KCNK13: variants seen among roughly 807,000 people sequenced by gnomAD.
The protein encoded by KCNK13 is potassium two pore domain channel subfamily K member 13, also known as potassium channel subfamily K member 13.
A neutral mutation model predicts 23.4 loss-of-function variants in KCNK13; 12 were observed. That is an observed-to-expected ratio of 0.51 (90% CI 0.33 to 0.83). The LOEUF (loss-of-function observed/expected upper bound fraction) is 0.83. KCNK13 is among the 40% of genes least tolerant of loss of function. KCNK13 has a pLI of 0.02. For missense variants in KCNK13, 463 were observed against 556.3 expected, an observed-to-expected ratio of 0.83 and a Z score of 1.69; for synonymous variants, 231 against 229.5, an observed-to-expected ratio of 1.01 and a Z score of -0.06.
intron 1 of KCNK13, among the ~76,000 whole-genome samples, chr14:90,172,540 A>G (rs951504011): frequency 1.3e-5 from 2 of 152,204 alleles, no homozygotes; most frequent in African/African-American, 2.4e-5. Context: ...CAGTGTTAAC[A>G]TGAGCATGTT....
chr14:90,125,325 A>G (rs1398167833), intron 1 of KCNK13, among the ~76,000 whole-genome samples: 1 of 150,716 alleles, frequency 6.6e-6, no homozygotes, highest in Non-Finnish European at 1.5e-5. Flanking sequence ...CTGGGTTCAC[A>G]CCATTCTCCT....
At chr14:90,093,701 C>A (rs968846402) in intron 1 of KCNK13, among the ~76,000 whole-genome samples, 1 of 152,142 alleles carries the variant, frequency 6.6e-6, no homozygotes, top group Non-Finnish European at 1.5e-5. Context: ...CATTCACTTG[C>A]AGAGAACATT....
chr14:90,076,731 G>GTC lies in KCNK13; in HGVS notation c.334+14202_334+14203dup, dbSNP rs556108550. Among the ~76,000 whole-genome samples, 12 of 152,184 alleles carry GTC rather than the reference G, an allele frequency of 7.9e-5. No individual in the cohort carries two copies. In the South Asian group the frequency reaches 8.3e-4, roughly 11 times the overall value. ...TGGAAAAATAAAATATTGTCTGAGC[G>GTC]TCTCTCTCTCTGGAATTGTTTTGGA... On this transcript the variant is annotated intron_variant, in intron 1 of 1. Transcript: ENST00000282146.
intron 1 of KCNK13, among the ~76,000 whole-genome samples, chr14:90,167,490 T>C (rs1890316429): frequency 6.6e-6 from 1 of 152,166 alleles, no homozygotes; most frequent in African/African-American, 2.4e-5. Flanking sequence ...TGCTGTAGGG[T>C]AATCATTGTT....
intron 1 of KCNK13, among the ~76,000 whole-genome samples, chr14:90,135,627 G>A (rs1028746460): frequency 2.0e-5 from 3 of 152,170 alleles, no homozygotes; most frequent in South Asian, 2.1e-4. Flanking sequence ...GCAGGATGTG[G>A]CTCCCACATC....
intron 1 of KCNK13, among the ~76,000 whole-genome samples, chr14:90,160,292 C>CTTA (rs1566649022): frequency 6.6e-6 from 1 of 152,146 alleles, no homozygotes. Context: ...TGCCCTAACT[C>CTTA]CCTTTTGCCT....
intron 1 of KCNK13, among the ~76,000 whole-genome samples, chr14:90,132,956 C>G (rs1010995220): frequency 3.9e-5 from 6 of 152,160 alleles, no homozygotes; most frequent in Admixed American, 3.3e-4. Flanking sequence ...TCTGCCTTTC[C>G]CACTGTACAC....
At chr14:90,130,745 C>A (rs1211875830) in intron 1 of KCNK13, among the ~76,000 whole-genome samples, 2 of 152,040 alleles carry the variant, frequency 1.3e-5, no homozygotes, top group African/African-American at 4.8e-5. Context: ...ACCCGGGAAA[C>A]AGAGGTTGTG....
rs144473670 is a variant in KCNK13 at position 90,104,590 on chromosome 14, C to G, written c.334+42051C>G. ...GGCTTTGTGTGATCACTTGATGAATCCTGCCAGAATTGTCTCACAAAGGTG... is the reference window on the plus strand; with the variant it reads ...GGCTTTGTGTGATCACTTGATGAATGCTGCCAGAATTGTCTCACAAAGGTG... On this transcript the variant is annotated intron_variant, in intron 1 of 1. Transcript: ENST00000282146. Among the ~76,000 whole-genome samples, 918 of 152,190 alleles carry G rather than the reference C, an allele frequency of 6.0e-3. 10 individuals are homozygous for G. The highest frequency in any genetic ancestry group is 0.021 in the African/African-American group (866 of 41,524).
chr14:90,075,556 G>A (rs1889124574), intron 1 of KCNK13, among the ~76,000 whole-genome samples: 1 of 152,132 alleles, frequency 6.6e-6, no homozygotes, highest in Non-Finnish European at 1.5e-5. Context: ...TCGGCTCACT[G>A]CAATCTCCAC....
At chr14:90,140,408 C>T (rs566060689) in intron 1 of KCNK13, among the ~76,000 whole-genome samples, 32 of 152,160 alleles carry the variant, frequency 2.1e-4, no homozygotes, top group South Asian at 6.2e-4. Flanking sequence ...TTTAACGTAC[C>T]GTACTACAAG....
At chr14:90,178,255 A>AAAAAAAAC (rs1890446005) in intron 1 of KCNK13, among the ~76,000 whole-genome samples, 1 of 145,176 alleles carries the variant, frequency 6.9e-6, no homozygotes, top group East Asian at 1.9e-4. Flanking sequence ...AAAAAAAAAA[A>AAAAAAAAC]AGGATACCCT....
intron 1 of KCNK13, among the ~76,000 whole-genome samples, chr14:90,135,229 AAAG>A (rs1321034605): frequency 6.6e-6 from 1 of 152,198 alleles, no homozygotes; most frequent in Non-Finnish European, 1.5e-5. Flanking sequence ...GGGTTTCATG[AAAG>A]AAAACTCTTT....
chr14:90,078,919 C>G (rs1331972934), intron 1 of KCNK13, among the ~76,000 whole-genome samples: 1 of 152,182 alleles, frequency 6.6e-6, no homozygotes, highest in African/African-American at 2.4e-5. Context: ...GTTAAGGAAG[C>G]ATATTGCTTA....
chr14:90,091,966 C>A (rs1417265593), intron 1 of KCNK13, among the ~76,000 whole-genome samples: 20 of 150,332 alleles, frequency 1.3e-4, no homozygotes, highest in African/African-American at 3.9e-4. Context: ...TCACTCTGTC[C>A]CCCAGGCTGG....
At chr14:90,117,875 T>G (rs2140415835) in intron 1 of KCNK13, among the ~76,000 whole-genome samples, 1 of 152,352 alleles carries the variant, frequency 6.6e-6, no homozygotes, top group East Asian at 1.9e-4. Context: ...ACTTGTTTTC[T>G]GTCTGTATAG....
At chr14:90,148,503 C>A (rs1890098941) in intron 1 of KCNK13, among the ~76,000 whole-genome samples, 1 of 152,154 alleles carries the variant, frequency 6.6e-6, no homozygotes. Flanking sequence ...AGAAGCTGAG[C>A]AAGGTTCCAC....
chr14:90,069,692 C>T (rs961308471), intron 1 of KCNK13, among the ~76,000 whole-genome samples: 8 of 151,770 alleles, frequency 5.3e-5, no homozygotes, highest in South Asian at 2.1e-4. Context: ...AAATATCCCA[C>T]GAATGCATTA....
At chr14:90,086,410 C>G (rs1889276662) in intron 1 of KCNK13, among the ~76,000 whole-genome samples, 1 of 152,088 alleles carries the variant, frequency 6.6e-6, no homozygotes, top group Non-Finnish European at 1.5e-5. Context: ...GGTGGTAAAA[C>G]TTTGTTTCAA....
Sources: allele counts gnomAD v4.1 joint callset (sites outside exome capture counted in the v4.1 genomes callset), GRCh38; gene constraint gnomAD v4.1.1; transcripts MANE v1.5; gene names NCBI Gene and HGNC (gene_info 2026-07-23, HGNC 2026-07-21).